CMIP: variants seen among roughly 807,000 people sequenced by gnomAD.
CMIP encodes the protein c-Maf inducing protein.
In CMIP, 13 loss-of-function variants were observed where a neutral mutation model predicts 97.3. That is an observed-to-expected ratio of 0.13 (90% CI 0.09 to 0.21). The LOEUF (loss-of-function observed/expected upper bound fraction) is 0.21, where lower values mean the gene tolerates loss of function less well. Ranked by LOEUF, CMIP falls within the 10% of genes least tolerant of loss-of-function variation. The pLI, the probability that CMIP is intolerant of heterozygous loss-of-function variation, is 1.00. For missense variants in CMIP, 847 were observed against 1,024.9 expected, an observed-to-expected ratio of 0.83 and a Z score of 2.37; for synonymous variants, 538 against 436.3, an observed-to-expected ratio of 1.23 and a Z score of -2.91.
chr16:81,511,965 A>T (rs1175121714), intron 1 of CMIP, among the ~76,000 whole-genome samples: 1 of 152,212 alleles, frequency 6.6e-6, no homozygotes, highest in Non-Finnish European at 1.5e-5. Flanking sequence ...CTCTAAGTGT[A>T]AAACGCACAC....
intron 12 of CMIP, 36 bp from the exon 13 acceptor site, chr16:81,693,403 C>A (rs929309127): frequency 1.2e-6 from 2 of 1,601,098 alleles, no homozygotes; most frequent in African/African-American, 1.3e-5. Context: ...CAGTTCCAGA[C>A]CCCGGCAGTA....
At chr16:81,533,174 G>A (rs1282218701) in intron 1 of CMIP, among the ~76,000 whole-genome samples, 7 of 152,254 alleles carry the variant, frequency 4.6e-5, no homozygotes, top group East Asian at 1.9e-4. Context: ...GACAGACCAC[G>A]CGTTTCTTAC....
At chr16:81,469,248 AG>A (rs1907384416) in intron 1 of CMIP, among the ~76,000 whole-genome samples, 1 of 152,238 alleles carries the variant, frequency 6.6e-6, no homozygotes. Flanking sequence ...TGTCACGTAT[AG>A]GAAAACTGGG....
rs1907922304 is a variant in CMIP at position 81,476,426 on chromosome 16, T to C, written c.300+30885T>C. ...CTCAGAGCGTGAAAGTTTTCTGCTG[T>C]CTTTGGAAACTTGTTTGCAAACAGC... On this transcript the variant is annotated intron_variant, in intron 1 of 20. Transcript: ENST00000537098. The C allele has an allele frequency of 1.4e-4, 146 of 1,009,568 alleles. 2 individuals carry two copies. The South Asian group carries it at 1.8e-3, about 12-fold the overall frequency. The allele number at this position is 1,009,568 out of a possible 1,614,324, so 62.5% of individuals were successfully genotyped here. A position where few individuals can be genotyped will look rare whatever the true frequency, so the allele number is the denominator to read the frequency against.
At chr16:81,611,880 C>G (rs2091837716) in intron 2 of CMIP, among the ~76,000 whole-genome samples, 1 of 152,254 alleles carries the variant, frequency 6.6e-6, no homozygotes, top group Non-Finnish European at 1.5e-5. Context: ...ATCCCCAGCT[C>G]AGAGACAGAG....
At chr16:81,480,638 C>T (rs1477761519) in intron 1 of CMIP, among the ~76,000 whole-genome samples, 1 of 152,202 alleles carries the variant, frequency 6.6e-6, no homozygotes, top group Admixed American at 6.5e-5. Context: ...GAAGGGGCAC[C>T]TGTTGCTACT....
intron 1 of CMIP, chr16:81,476,523 T>C (rs1907932446): frequency 6.0e-6 from 4 of 663,478 alleles, no homozygotes; most frequent in Non-Finnish European, 1.1e-5. Context: ...TGACCATGGC[T>C]GATAGAACAG....
intron 4 of CMIP, among the ~76,000 whole-genome samples, chr16:81,657,437 A>G (rs1330885603): frequency 6.6e-6 from 1 of 152,166 alleles, no homozygotes; most frequent in African/African-American, 2.4e-5. Context: ...GACGAGGGCC[A>G]GATCCTCTCC....
At chr16:81,682,625 C>T (rs917506580) in intron 10 of CMIP, among the ~76,000 whole-genome samples, 36 of 152,220 alleles carry the variant, frequency 2.4e-4, no homozygotes, top group African/African-American at 7.9e-4. Flanking sequence ...AGGACGTTGC[C>T]AGGCGGGGCT....
At chr16:81,594,575 T>C (rs2091520512) in intron 1 of CMIP, among the ~76,000 whole-genome samples, 1 of 152,180 alleles carries the variant, frequency 6.6e-6, no homozygotes, top group South Asian at 2.1e-4. Flanking sequence ...ATACACTGTG[T>C]TTTTTCCTAA....
intron 13 of CMIP, among the ~76,000 whole-genome samples, chr16:81,694,712 G>A (rs1488471778): frequency 3.9e-5 from 6 of 152,190 alleles, no homozygotes; most frequent in Admixed American, 1.3e-4. Context: ...AAGCATATGC[G>A]TTTTGATGCG....
At chr16:81,700,850 GC>G (rs1907316176) in intron 15 of CMIP, among the ~76,000 whole-genome samples, 2 of 152,196 alleles carry the variant, frequency 1.3e-5, no homozygotes, top group South Asian at 2.1e-4. Flanking sequence ...ACCTAGAGGT[GC>G]TGGGAAGGAG....
Position 81,533,351 on chromosome 16 carries a change from C to G in CMIP, c.301-74216C>G, listed in dbSNP as rs146210660. On this transcript the variant is annotated intron_variant, in intron 1 of 20. Coordinates refer to ENST00000537098, the MANE Select transcript of CMIP (RefSeq NM_198390.3). ...TGAATCATCAGTCAGTCAAACTTTGCAGCACTCACTTTGTCCATTGGAATA... is the reference window on the plus strand; with the variant it reads ...TGAATCATCAGTCAGTCAAACTTTGGAGCACTCACTTTGTCCATTGGAATA... 4.5e-4 allele frequency among the ~76,000 whole-genome samples: 68 copies of G among 152,354 alleles called. 1 individual carries two copies. The highest frequency in any genetic ancestry group is 1.4e-3 in the African/African-American group (57 of 41,584).
At chr16:81,488,300 C>A (rs1405832314) in intron 1 of CMIP, among the ~76,000 whole-genome samples, 5 of 152,208 alleles carry the variant, frequency 3.3e-5, no homozygotes, top group African/African-American at 1.2e-4. Context: ...ACTTCCTCCA[C>A]TTCCTAGTGG....
intron 1 of CMIP, among the ~76,000 whole-genome samples, chr16:81,503,071 C>G (rs1028927426): frequency 6.6e-6 from 1 of 152,218 alleles, no homozygotes; most frequent in African/African-American, 2.4e-5. Flanking sequence ...TAAAGAGCTG[C>G]CCTAGTTCAG....
intron 1 of CMIP, among the ~76,000 whole-genome samples, chr16:81,579,668 T>G (rs571369135): frequency 1.3e-5 from 2 of 152,258 alleles, no homozygotes; most frequent in African/African-American, 2.4e-5. Context: ...CTGCCTTCTG[T>G]TTTAAGGGAC....
At chr16:81,682,843 C>G (rs955078905) in intron 10 of CMIP, among the ~76,000 whole-genome samples, 5 of 152,168 alleles carry the variant, frequency 3.3e-5, no homozygotes, top group African/African-American at 1.2e-4. Context: ...CAAAAATTTC[C>G]TGGAGGTCCT....
At chr16:81,619,245 T>G (rs2091961531) in intron 2 of CMIP, 2 of 152,210 alleles carry the variant, frequency 1.3e-5, no homozygotes, top group Admixed American at 1.3e-4. Flanking sequence ...ATTCGTGCAG[T>G]CCAGGGTTCA....
At chr16:81,549,329 CG>C (rs1393359894) in intron 1 of CMIP, among the ~76,000 whole-genome samples, 1 of 152,174 alleles carries the variant, frequency 6.6e-6, no homozygotes, top group Non-Finnish European at 1.5e-5. Context: ...TGGAAAATGC[CG>C]GGCTTGCAAA....
Sources: allele counts gnomAD v4.1 joint callset (sites outside exome capture counted in the v4.1 genomes callset), GRCh38; gene constraint gnomAD v4.1.1; transcripts MANE v1.5; gene names NCBI Gene and HGNC (gene_info 2026-07-23, HGNC 2026-07-21).